TAF2: variants seen among roughly 807,000 people sequenced by gnomAD.
The protein encoded by TAF2 is TATA-box binding protein associated factor 2.
In TAF2, 61 loss-of-function variants were observed where a neutral mutation model predicts 138.5. The ratio of observed to expected loss-of-function variants is 0.44; its 90% CI spans 0.36 to 0.54. TAF2 has a LOEUF of 0.54. TAF2 is among the 20% of genes least tolerant of loss of function. The probability of loss-of-function intolerance (pLI) is 0.00; values close to 1 mark genes in which losing one functional copy is unlikely to be tolerated. For synonymous variants in TAF2, 475 were observed against 469.9 expected, an observed-to-expected ratio of 1.01 and a Z score of -0.14; for missense variants, 1,090 against 1,427.9, an observed-to-expected ratio of 0.76 and a Z score of 3.81.
chr8:119,803,835 C>T (rs1824433232), intron 5 of TAF2, 43 bp downstream of exon 5: 1 of 1,559,956 alleles, frequency 6.4e-7, no homozygotes, highest in Non-Finnish European at 8.7e-7. Flanking sequence ...ATAAAAAATG[C>T]AATTTAAAAA....
intron 9 of TAF2, 75 bp from the exon 10 acceptor site, chr8:119,793,526 A>C: frequency 9.8e-7 from 1 of 1,022,998 alleles, no homozygotes; most frequent in Non-Finnish European, 1.5e-6. Context: ...TTTTAGAATT[A>C]AACTGTGAAT....
rs763504417 is a variant in TAF2, at chr8:119,732,023, G to T, written c.3501C>A (p.His1167Gln). The change falls in exon 26 of 26, where the codon CAC becomes CAA. Residue 1167 changes from histidine to glutamine, a missense_variant. This residue lies in a region of TAF2 where 580 missense variants were observed against 719.6 expected (regional missense o/e 0.81). Transcript: ENST00000378164. ...TTTCTTTACTGTCATGCTTATGCTT[G>T]TGTTTGTGCTTATGTTTATGCTTCT... Reference protein sequence around the residue: ...KKKKHKHKHKHKHKHDSKEKD... With the variant: ...KKKKHKHKHKQKHKHDSKEKD... The T allele has an allele frequency of 1.2e-6, 2 of 1,614,186 alleles. No homozygotes were observed. Among genetic ancestry groups the T allele is most frequent in the Admixed American group, 3.3e-5 (2 of 60,022 alleles).
intron 18 of TAF2, among the ~76,000 whole-genome samples, chr8:119,770,163 A>G (rs909337823): frequency 5.3e-5 from 8 of 152,048 alleles, no homozygotes; most frequent in African/African-American, 1.9e-4. Context: ...AAAAAAAAGT[A>G]GGAAGTTTAG....
intron 6 of TAF2, among the ~76,000 whole-genome samples, chr8:119,798,941 A>C (rs934479924): frequency 6.6e-6 from 1 of 152,100 alleles, no homozygotes; most frequent in Non-Finnish European, 1.5e-5. Context: ...AATACTATTC[A>C]CCAAAAAAAG....
rs1821003325 is a variant in TAF2 at position 119,760,699 on chromosome 8, A to T, written c.2598T>A (p.His866Gln). The change falls in exon 20 of 26, where the codon CAT becomes CAA. Residue 866 changes from histidine (H) to glutamine (Q), a missense_variant. His to Gln is a conservative substitution (Grantham distance 24). Coordinates refer to ENST00000378164, the MANE Select transcript of TAF2 (RefSeq NM_003184.4). Reference sequence around the variant, plus strand: ...TAAAAAGAGCTGGATCACTTGGCACATGTCCGTTCTTCTGAAGTACCCGTA... The same window carrying T: ...TAAAAAGAGCTGGATCACTTGGCACTTGTCCGTTCTTCTGAAGTACCCGTA... ...RAIRVLQKNG[H>Q]VPSDPALFKS... is the part of the protein sequence containing the mutation. 2 of 1,613,904 alleles carry T rather than the reference A, an allele frequency of 1.2e-6. No homozygotes were observed. The highest frequency in any genetic ancestry group is 1.7e-6 in the Non-Finnish European group (2 of 1,179,960).
At chr8:119,814,076 T>C (rs1825281835) in intron 3 of TAF2, among the ~76,000 whole-genome samples, 1 of 152,162 alleles carries the variant, frequency 6.6e-6, no homozygotes, top group Admixed American at 6.5e-5. Flanking sequence ...TAAGCTATGA[T>C]TACACCACTG....
intron 18 of TAF2, among the ~76,000 whole-genome samples, chr8:119,776,491 G>T (rs1298057441): frequency 1.3e-5 from 2 of 150,168 alleles, no homozygotes; most frequent in Non-Finnish European, 3.0e-5. Context: ...AACCATCCTG[G>T]CTACCACAGT....
At chr8:119,736,377 T>C (rs1016557374) in intron 25 of TAF2, among the ~76,000 whole-genome samples, 4 of 152,176 alleles carry the variant, frequency 2.6e-5, no homozygotes, top group Admixed American at 6.5e-5. Flanking sequence ...TATGACAGAA[T>C]ATTTACAAGA....
At position 119,731,178 on chromosome 8, in the gene TAF2, C is replaced by T. The variant is rs935707151; in HGVS notation, c.*746G>A. ...TTACATATGAATATTTTCATTTATA[C>T]TTACTGGAAAACAAAACAAAAAAAC... is the stretch of plus-strand genomic sequence containing the variant. On this transcript the variant is annotated 3_prime_UTR_variant, in exon 26 of 26. Transcript: ENST00000378164. The T allele has an allele frequency of 2.0e-4, 31 of 152,212 alleles. No individual in the cohort carries two copies. Among genetic ancestry groups the T allele is most frequent in the African/African-American group, 7.5e-4 (31 of 41,552 alleles). 9.4% of individuals were successfully genotyped at this position (152,212 alleles called of 1,614,324 possible). A position where few individuals can be genotyped will look rare whatever the true frequency, so the allele number is the denominator to read the frequency against.
At chr8:119,746,997 C>A in intron 22 of TAF2, 63 bp from the exon 23 acceptor site, 6 of 1,532,274 alleles carry the variant, frequency 3.9e-6, no homozygotes, top group Non-Finnish European at 5.4e-6. Context: ...TTTAACTGTC[C>A]CAGAACCTGA....
rs769158208 is a variant in TAF2 at position 119,742,655 on chromosome 8, C to T, written c.3216G>A (p.Gly1072=). Residue 1072 remains glycine (G), a splice_region_variant and synonymous_variant, in exon 25 of 26, where the codon GGG becomes GGA. Coordinates refer to ENST00000378164, the MANE Select transcript of TAF2 (RefSeq NM_003184.4). ...AGCTAGCTGGCCGATATTTCGAGAG[C>T]CCTAAAATGCCAAACAAGAGAAAAA... ...LNMLERPSTP[G]LSKYRPASSR... 10 of 1,613,550 alleles carry T rather than the reference C, an allele frequency of 6.2e-6. 1 individual carries two copies. In the South Asian group the frequency reaches 1.1e-4, roughly 18 times the overall value.
At chr8:119,775,121 A>C (rs1007779453) in intron 18 of TAF2, among the ~76,000 whole-genome samples, 1 of 151,498 alleles carries the variant, frequency 6.6e-6, no homozygotes, top group African/African-American at 2.4e-5. Flanking sequence ...TCTACTAAAA[A>C]AATACAAAAA....
At chr8:119,797,578 G>A (rs565926095) in intron 7 of TAF2, 84 bp downstream of exon 7, 30 of 1,394,558 alleles carry the variant, frequency 2.2e-5, no homozygotes, top group East Asian at 7.2e-5. Context: ...TTCAAAGCTC[G>A]TCTTAAAATT....
At chr8:119,774,959 CA>C (rs965742124) in intron 18 of TAF2, among the ~76,000 whole-genome samples, 26 of 148,496 alleles carry the variant, frequency 1.8e-4, no homozygotes, top group South Asian at 6.4e-4. Flanking sequence ...CCTAACATGA[CA>C]AAAAAAAAGG....
At chr8:119,807,278 T>C (rs368979922) in intron 3 of TAF2, among the ~76,000 whole-genome samples, 1 of 152,194 alleles carries the variant, frequency 6.6e-6, no homozygotes, top group East Asian at 1.9e-4. Context: ...ATTTGTTCCA[T>C]AGTTATCTGA....
intron 15 of TAF2, among the ~76,000 whole-genome samples, chr8:119,784,254 CA>C (rs1173777023): frequency 6.6e-6 from 1 of 152,098 alleles, no homozygotes; most frequent in Non-Finnish European, 1.5e-5. Context: ...ATGGAAAAAT[CA>C]AAATTAGCAC....
chr8:119,790,558 T>A (rs961972636), intron 11 of TAF2, among the ~76,000 whole-genome samples: 1 of 152,156 alleles, frequency 6.6e-6, no homozygotes, highest in South Asian at 2.1e-4. Flanking sequence ...CCTCTAAGAA[T>A]GTTAACAATG....
chr8:119,820,162 C>CT (rs1206370188), intron 2 of TAF2, among the ~76,000 whole-genome samples: 1 of 152,198 alleles, frequency 6.6e-6, no homozygotes, highest in East Asian at 1.9e-4. Context: ...TAAATACAGA[C>CT]TGCCCACCAC....
Position 119,797,829 on chromosome 8 carries a change from C to T in TAF2, c.810G>A (p.Leu270=). 6.2e-7 allele frequency: 1 copy of T among 1,613,112 alleles called. No individual in the cohort carries two copies. Among genetic ancestry groups the T allele is most frequent in the Admixed American group, 1.7e-5 (1 of 59,908 alleles). ...GTTTCAGCAATGGAAGAAGTTGGGGCAAACAAAAATGAGTAACCTGAAAAG... is the reference window on the plus strand; with the variant it reads ...GTTTCAGCAATGGAAGAAGTTGGGGTAAACAAAAATGAGTAACCTGAAAAG... ...PYMHEVTHFC[L]PQLLPLLKHT... is the part of the protein sequence containing the mutation. The change falls in exon 7 of 26, where the codon TTG becomes TTA. Residue 270 remains leucine, a synonymous_variant. Coordinates refer to ENST00000378164, the MANE Select transcript of TAF2 (RefSeq NM_003184.4).
Sources: allele counts gnomAD v4.1 joint callset (sites outside exome capture counted in the v4.1 genomes callset), GRCh38; gene constraint gnomAD v4.1.1; regional missense constraint gnomAD v4.1.1; transcripts MANE v1.5; gene names NCBI Gene and HGNC (gene_info 2026-07-23, HGNC 2026-07-21).